The following VWA7 variants were observed in gnomAD, a reference collection of about 807,000 sequenced individuals.
VWA7 encodes von Willebrand factor A domain containing 7.
Under a neutral mutation model 83.1 loss-of-function variants are expected in VWA7, and 66 were observed. The observed-to-expected ratio is 0.79, with a 90% CI of 0.65 to 0.98. The LOEUF (loss-of-function observed/expected upper bound fraction) is 0.98. VWA7 is among the 50% of genes least tolerant of loss of function. The pLI is 0.00. For missense variants in VWA7, 1,080 were observed against 1,160.2 expected (o/e 0.93, Z 1.00); for synonymous variants, 424 against 488.5 (o/e 0.87, Z 1.74).
In VWA7 at chr6:31,775,520, C is replaced by T. The variant is rs1362736620; in HGVS notation, c.514-91G>A. 1 of 1,227,804 alleles carries T rather than the reference C, an allele frequency of 8.1e-7. No individual in the cohort carries two copies. The highest frequency in any genetic ancestry group is 2.5e-5 in the East Asian group (1 of 39,536). 76.1% of individuals were successfully genotyped at this position (1,227,804 alleles called of 1,614,324 possible). A position where few individuals can be genotyped will look rare whatever the true frequency, so the allele number is the denominator to read the frequency against. The stretch of plus-strand genomic sequence containing the variant: ...TAATATGCCACTCCTTTGAGTTCCC[C>T]ATCCCGAAAGTCCCCTCCCACCCCT... On this transcript the variant is annotated intron_variant, in intron 3 of 16. Coordinates refer to ENST00000375688, the MANE Select transcript of VWA7 (RefSeq NM_025258.3). This position sits in a 1 kb window ranked among gnomAD's most constrained non-coding sequence, Gnocchi z 5.9.
intron 7 of VWA7, chr6:31,771,862 G>A (rs1462481762): frequency 5.3e-5 from 8 of 152,028 alleles, no homozygotes; most frequent in African/African-American, 1.9e-4. Flanking sequence ...GTGGTGGCGG[G>A]CGCCTGTAGT....
chr6:31,773,485 C>A lies in VWA7; in HGVS notation c.722-48G>T. The stretch of plus-strand genomic sequence containing the variant: ...GAGAGTGGAGGTCAAAAACCCACTG[C>A]CTCCTAAGAAAATGAGGCCCTTTCA... On this transcript the variant is annotated intron_variant, in intron 5 of 16. Transcript: ENST00000375688. This position sits in a 1 kb window ranked among gnomAD's most constrained non-coding sequence, Gnocchi z 5.3. The A allele has an allele frequency of 6.7e-7, 1 of 1,482,160 alleles. No homozygotes were observed. Among genetic ancestry groups the A allele is most frequent in the Non-Finnish European group, 9.0e-7 (1 of 1,111,346 alleles). The allele number at this position is 1,482,160 out of a possible 1,614,324, so 91.8% of individuals were successfully genotyped here. A position where few individuals can be genotyped will look rare whatever the true frequency, so the allele number is the denominator to read the frequency against.
Position 31,766,425 on chromosome 6 carries a change from C to T in VWA7, c.2184+38G>A. On this transcript the variant is annotated intron_variant, in intron 14 of 16. Coordinates refer to ENST00000375688, the MANE Select transcript of VWA7 (RefSeq NM_025258.3). The surrounding 1 kb of genome is among the most constrained non-coding windows in gnomAD (Gnocchi z 4.9). ...CTTCAGGGAAGGGGCCGCTCTAACT[C>T]TCTCCAGCCCCAGCCGCACTTTCCC... 1.3e-6 allele frequency: 2 copies of T among 1,575,676 alleles called. No individual in the cohort carries two copies. Among genetic ancestry groups the T allele is most frequent in the Non-Finnish European group, 1.7e-6 (2 of 1,160,624 alleles).
intron 10 of VWA7, among the ~76,000 whole-genome samples, chr6:31,768,536 C>T (rs1055041481): frequency 6.6e-6 from 1 of 151,394 alleles, no homozygotes; most frequent in African/African-American, 2.4e-5. Context: ...GAGAGGTTTA[C>T]TGATATAAAA....
rs1812442005 is a variant in VWA7 at position 31,773,886 on chromosome 6, G to A, written c.722-449C>T. On this transcript the variant is annotated intron_variant, in intron 5 of 16. Coordinates refer to ENST00000375688, the MANE Select transcript of VWA7 (RefSeq NM_025258.3). The surrounding 1 kb of genome is among the most constrained non-coding windows in gnomAD (Gnocchi z 5.3). ...TAAATAAATGATGGCTGGGCACGGTGGCTCACACCAGTAATCCCAGCATTT... is the reference window on the plus strand; with the variant it reads ...TAAATAAATGATGGCTGGGCACGGTAGCTCACACCAGTAATCCCAGCATTT... 6.6e-6 allele frequency among the ~76,000 whole-genome samples: 1 copy of A among 151,808 alleles called. No homozygotes were observed. Among genetic ancestry groups the A allele is most frequent in the Non-Finnish European group, 1.5e-5 (1 of 67,994 alleles).
chr6:31,773,393 G>A lies in VWA7; in HGVS notation c.766C>T (p.Pro256Ser). The A allele has an allele frequency of 6.2e-7, 1 of 1,605,294 alleles. No individual in the cohort carries two copies. The highest frequency in any genetic ancestry group is 8.5e-7 in the Non-Finnish European group (1 of 1,176,156). The change falls in exon 6 of 17, where the codon CCA becomes TCA. Residue 256 changes from proline to serine, a missense_variant. Transcript: ENST00000375688. This position sits in a 1 kb window ranked among gnomAD's most constrained non-coding sequence, Gnocchi z 5.3. The part of the protein sequence containing the change: ...GGHFDRSSSQ[P>S]PRGGINKDST... ...TCCTTGTTGATGCCTCCCCTCGGTG[G>A]CTGGGAGCTGCTCCGGTCAAAATGG...
chr6:31,773,357 G>C lies in VWA7; in HGVS notation c.802C>G (p.Pro268Ala). 3.1e-6 allele frequency: 5 copies of C among 1,607,570 alleles called. No homozygotes were observed. The highest frequency in any genetic ancestry group is 4.2e-6 in the Non-Finnish European group (5 of 1,177,280). The change falls in exon 6 of 17, where the codon CCA (proline) becomes GCA (alanine). Residue 268 changes from proline to alanine, a missense_variant. Pro to Ala is a conservative substitution (Grantham distance 27). Transcript: ENST00000375688. The surrounding 1 kb of genome is among the most constrained non-coding windows in gnomAD (Gnocchi z 5.3). ...AGCATGTGGTGAGGGGAGAAGCCTG[G>C]GGATGTGCTGTCCTTGTTGATGCCT... ...RGGINKDSTSPGFSPHHMLHL... is the reference protein window; with the variant it reads ...RGGINKDSTSAGFSPHHMLHL...
rs150209214 is a variant in VWA7, at chr6:31,769,570, G to C, written c.1317+105C>G. On this transcript the variant is annotated intron_variant, in intron 9 of 16. Transcript: ENST00000375688. This position sits in a 1 kb window ranked among gnomAD's most constrained non-coding sequence, Gnocchi z 4.5. ...CTTCTCCCACCATATACCAAGGCTTGTTGGGCCACCATAGTGTGGTGCAAC... is the reference window on the plus strand; with the variant it reads ...CTTCTCCCACCATATACCAAGGCTTCTTGGGCCACCATAGTGTGGTGCAAC... 5.4e-3 allele frequency: 5,673 copies of C among 1,054,582 alleles called. 52 individuals carry two copies. The highest frequency in any genetic ancestry group is 8.9e-3 in the Middle Eastern group (36 of 4,030). The allele number at this position is 1,054,582 out of a possible 1,614,324, so 65.3% of individuals were successfully genotyped here.
rs1321508126 is a variant in VWA7 at position 31,776,728 on chromosome 6, G to C, written c.52C>G (p.Leu18Val). 8 of 1,483,888 alleles carry C rather than the reference G, an allele frequency of 5.4e-6. No individual in the cohort carries two copies. Among genetic ancestry groups the C allele is most frequent in the Non-Finnish European group, 7.2e-6 (8 of 1,112,028 alleles). The allele number at this position is 1,483,888 out of a possible 1,614,324, so 91.9% of individuals were successfully genotyped here. A position where few individuals can be genotyped will look rare whatever the true frequency, so the allele number is the denominator to read the frequency against. Residue 18 changes from leucine to valine, a missense_variant, in exon 2 of 17, where the codon CTG (leucine) becomes GTG (valine). By Grantham distance (32) the Leu-to-Val change is conservative. Transcript: ENST00000375688. The surrounding 1 kb of genome is among the most constrained non-coding windows in gnomAD (Gnocchi z 6.2). ...GTGGGGGGCAGCAACAGCTGCAGCA[G>C]AAGCAACGCTGAGGGGCCCGGGTGG... ...QSHPGPSALLLLQLLLPPTSA... is the reference protein window; with the variant it reads ...QSHPGPSALLVLQLLLPPTSA...
In VWA7 at chr6:31,771,051, G is replaced by A. The variant is rs59402363; in HGVS notation, c.1088-938C>T. ...AGAAAGAAAAGAAAAAAAAAAACTGGGTTTCCTCATAAGAAAAGAGACCGA... is the reference window on the plus strand; with the variant it reads ...AGAAAGAAAAGAAAAAAAAAAACTGAGTTTCCTCATAAGAAAAGAGACCGA... On this transcript the variant is annotated intron_variant, in intron 7 of 16. Coordinates refer to ENST00000375688, the MANE Select transcript of VWA7 (RefSeq NM_025258.3). 5.7e-3 allele frequency among the ~76,000 whole-genome samples: 865 copies of A among 151,356 alleles called. 4 individuals are homozygous for A. The highest frequency in any genetic ancestry group is 0.019 in the African/African-American group (778 of 41,270).
Position 31,767,507 on chromosome 6 carries a change from G to A in VWA7, c.1644C>T (p.Ser548=), listed in dbSNP as rs778924769. ...SFWIKNPAGV[S]QGQEEGGGPL... ...GACCCCCGCCTTCCTCCTGGCCCTG[G>A]GAGACCCCTGGGGTCAGGGAAGAGA... is the stretch of plus-strand genomic sequence containing the variant. Residue 548 remains serine, a synonymous_variant, in exon 12 of 17, where the codon TCC becomes TCT. Coordinates refer to ENST00000375688, the MANE Select transcript of VWA7 (RefSeq NM_025258.3). 1 of 1,610,326 alleles carries A rather than the reference G, an allele frequency of 6.2e-7. No homozygotes were observed. Among genetic ancestry groups the A allele is most frequent in the Non-Finnish European group, 8.5e-7 (1 of 1,177,402 alleles).
At position 31,766,914 on chromosome 6, in the gene VWA7, G is replaced by A. The variant is rs943060481; in HGVS notation, c.1883-150C>T. 3.9e-5 allele frequency: 31 copies of A among 803,530 alleles called. No individual in the cohort carries two copies. The Admixed American group carries it at 3.9e-4, about 10-fold the overall frequency. The allele number at this position is 803,530 out of a possible 1,614,324, so 49.8% of individuals were successfully genotyped here. A position where few individuals can be genotyped will look rare whatever the true frequency, so the allele number is the denominator to read the frequency against. On this transcript the variant is annotated intron_variant, in intron 13 of 16. Coordinates refer to ENST00000375688, the MANE Select transcript of VWA7 (RefSeq NM_025258.3). This position sits in a 1 kb window ranked among gnomAD's most constrained non-coding sequence, Gnocchi z 4.9. ...GGGGTATTGATGGGGAGCATCAGGA[G>A]GGAGTTCTGGGGTGCTGGAAATGTT...
In VWA7 at chr6:31,769,554, C is replaced by A; in HGVS notation, c.1317+121G>T. On this transcript the variant is annotated intron_variant, in intron 9 of 16. Transcript: ENST00000375688. This position sits in a 1 kb window ranked among gnomAD's most constrained non-coding sequence, Gnocchi z 4.5. ...TTCCACTCATTGTCTGCTTCTCCCA[C>A]CATATACCAAGGCTTGTTGGGCCAC... 1.1e-6 allele frequency: 1 copy of A among 892,014 alleles called. No homozygotes were observed. Among genetic ancestry groups the A allele is most frequent in the Non-Finnish European group, 1.8e-6 (1 of 551,542 alleles). The allele number at this position is 892,014 out of a possible 1,614,324, so 55.3% of individuals were successfully genotyped here.
In VWA7 at chr6:31,775,975, G is replaced by A; in HGVS notation, c.502C>T (p.His168Tyr). The A allele has an allele frequency of 6.2e-7, 1 of 1,610,208 alleles. No homozygotes were observed. The highest frequency in any genetic ancestry group is 8.5e-7 in the Non-Finnish European group (1 of 1,178,582). The change falls in exon 3 of 17, where the codon CAT (histidine) becomes TAT (tyrosine). Residue 168 changes from histidine to tyrosine, a missense_variant. Physicochemically the swap from His to Tyr is moderately conservative, Grantham distance 83. Coordinates refer to ENST00000375688, the MANE Select transcript of VWA7 (RefSeq NM_025258.3). The surrounding 1 kb of genome is among the most constrained non-coding windows in gnomAD (Gnocchi z 5.9). ...LARQRLGAAL[H>Y]ALQDFYSHSN... ...AACCCTGTTCTCACCTGCAGGGCAT[G>A]AAGTGCAGCCCCGAGGCGCTGGCGA...
chr6:31,772,060 C>G (rs565611223), intron 7 of VWA7, among the ~76,000 whole-genome samples: 2 of 149,028 alleles, frequency 1.3e-5, no homozygotes, highest in Non-Finnish European at 3.0e-5. Flanking sequence ...GCAGAGGCCA[C>G]GTGCCAAAGC....
At position 31,767,185 on chromosome 6, in the gene VWA7, G is replaced by T. The variant is rs772085719; in HGVS notation, c.1855C>A (p.Leu619Ile). The change falls in exon 13 of 17, where the codon CTC (leucine) becomes ATC (isoleucine). Residue 619 changes from leucine to isoleucine, a missense_variant. Leu to Ile is a conservative substitution (Grantham distance 5, BLOSUM62 2). Coordinates refer to ENST00000375688, the MANE Select transcript of VWA7 (RefSeq NM_025258.3). ...GCAACTGGCTGAGTCAGGGGGTAGA[G>T]GCCAGGGTGGGGTCCATCCTCCATG... ...IPMEDGPHPGLYPLTQPVAGL... is the reference protein window; with the variant it reads ...IPMEDGPHPGIYPLTQPVAGL... 1.3e-6 allele frequency: 2 copies of T among 1,573,244 alleles called. No individual in the cohort carries two copies. The highest frequency in any genetic ancestry group is 4.1e-5 in the Admixed American group (2 of 49,294).
At position 31,773,499 on chromosome 6, in the gene VWA7, G is replaced by T; in HGVS notation, c.722-62C>A. 1 of 1,462,720 alleles carries T rather than the reference G, an allele frequency of 6.8e-7. No individual in the cohort carries two copies. The allele number at this position is 1,462,720 out of a possible 1,614,324, so 90.6% of individuals were successfully genotyped here. ...AAAACCCACTGCCTCCTAAGAAAAT[G>T]AGGCCCTTTCAGGCCTGGCCTGACC... On this transcript the variant is annotated intron_variant, in intron 5 of 16. Transcript: ENST00000375688. This position sits in a 1 kb window ranked among gnomAD's most constrained non-coding sequence, Gnocchi z 5.3.
At chr6:31,767,928 C>T (rs979905161) in intron 10 of VWA7, among the ~76,000 whole-genome samples, 174 bp from the exon 11 acceptor site, 5 of 150,888 alleles carry the variant, frequency 3.3e-5, no homozygotes, top group Admixed American at 6.6e-5. Context: ...GTCAAGAGTT[C>T]GAGACCAGCC....
At chr6:31,767,781 TG>T (rs745353545) in intron 10 of VWA7, 27 bp from the exon 11 acceptor site, 14 of 1,588,654 alleles carry the variant, frequency 8.8e-6, no homozygotes, top group Non-Finnish European at 9.5e-6. Flanking sequence ...GACCAGAAAA[TG>T]GGGAAGAAGA....
Sources: gnomAD v4.1 joint callset for allele counts (sites outside exome capture counted in the v4.1 genomes callset) on GRCh38, gnomAD v4.1.1 for gene constraint, Gnocchi (gnomAD v3.1) non-coding constraint, MANE v1.5 for transcripts, NCBI Gene and HGNC (gene_info 2026-07-23, HGNC 2026-07-21) for gene names.